The following ASPRV1 variants were observed in gnomAD, a reference collection of about 807,000 sequenced individuals.
The protein encoded by ASPRV1 is retroviral-like aspartic protease 1.
A neutral mutation model predicts 11.0 loss-of-function variants in ASPRV1; 7 were observed. The observed-to-expected ratio is 0.64, with a 90% CI of 0.36 to 1.20. The LOEUF is 1.20. ASPRV1 is among the 50% of genes most tolerant of loss of function. ASPRV1 has a pLI of 0.02. For missense variants in ASPRV1, 299 were observed against 320.0 expected, an observed-to-expected ratio of 0.93 and a Z score of 0.50; for synonymous variants, 136 against 138.4, an observed-to-expected ratio of 0.98 and a Z score of 0.12.
At chr2:70,066,299 C>T in the ASPRV1 span, among the ~76,000 whole-genome samples, 18 of 151,720 alleles carry the variant, frequency 1.2e-4, no homozygotes, top group Admixed American at 3.9e-4. Context: ...AGTACAATGG[C>T]GCAATCTCAG....
At chr2:69,958,476 C>T (rs1255797219), downstream of ASPRV1, among the ~76,000 whole-genome samples, 5 of 152,202 alleles carry the variant, frequency 3.3e-5, no homozygotes, top group Admixed American at 2.6e-4. Flanking sequence ...GGCTCCACTC[C>T]GTGTGGTGTG....
At chr2:70,029,052 C>G in the ASPRV1 span, among the ~76,000 whole-genome samples, 1 of 152,158 alleles carries the variant, frequency 6.6e-6, no homozygotes, top group Non-Finnish European at 1.5e-5. Context: ...TGTTAAAATA[C>G]AAATATCCCT....
At chr2:70,083,696 G>C in the ASPRV1 span, 1 of 152,196 alleles carries the variant, frequency 6.6e-6, no homozygotes, top group African/African-American at 2.4e-5. Flanking sequence ...GTCTGAGGAA[G>C]GGAGTGGAGA....
the ASPRV1 span, among the ~76,000 whole-genome samples, chr2:69,949,840 G>C: frequency 6.6e-6 from 1 of 152,148 alleles, no homozygotes; most frequent in African/African-American, 2.4e-5. Context: ...TCTTGAGACA[G>C]AGTCTCACTC....
At chr2:70,073,613 A>G in the ASPRV1 span, among the ~76,000 whole-genome samples, 1 of 152,198 alleles carries the variant, frequency 6.6e-6, no homozygotes, top group Non-Finnish European at 1.5e-5. Flanking sequence ...AAGGAAAGAA[A>G]AAGGAAAGGT....
At chr2:70,029,010 C>G in the ASPRV1 span, among the ~76,000 whole-genome samples, 1 of 152,144 alleles carries the variant, frequency 6.6e-6, no homozygotes, top group African/African-American at 2.4e-5. Context: ...CTTCCACCAC[C>G]AGAGAGGCCC....
At chr2:69,996,154 G>T in the ASPRV1 span, among the ~76,000 whole-genome samples, 105 of 139,530 alleles carry the variant, frequency 7.5e-4, no homozygotes, top group African/African-American at 2.6e-3. Context: ...GCCAAGGGAG[G>T]ATCGCTTGAG....
the ASPRV1 span, among the ~76,000 whole-genome samples, chr2:70,022,664 T>G: frequency 6.6e-6 from 1 of 151,978 alleles, no homozygotes; most frequent in Non-Finnish European, 1.5e-5. Flanking sequence ...CACTCCAGCC[T>G]GGATGACAGA....
At chr2:70,009,830 C>T in the ASPRV1 span, among the ~76,000 whole-genome samples, 2 of 152,134 alleles carry the variant, frequency 1.3e-5, no homozygotes, top group Non-Finnish European at 2.9e-5. Context: ...GAGACAGTTG[C>T]GTTCAACAGC....
chr2:69,957,049 A>C (rs1677954959), downstream of ASPRV1, among the ~76,000 whole-genome samples: 1 of 152,208 alleles, frequency 6.6e-6, no homozygotes. Context: ...CCTGGACTAG[A>C]AAATAATCTG....
chr2:70,062,322 A>G, the ASPRV1 span, among the ~76,000 whole-genome samples: 1 of 152,064 alleles, frequency 6.6e-6, no homozygotes, highest in Non-Finnish European at 1.5e-5. Context: ...ATACATATAT[A>G]TATGATCTGG....
the ASPRV1 span, among the ~76,000 whole-genome samples, chr2:70,061,118 G>C: frequency 6.6e-6 from 1 of 151,720 alleles, no homozygotes; most frequent in Non-Finnish European, 1.5e-5. Context: ...AGGACAGGCC[G>C]GGCACGGTGG....
At chr2:70,039,712 C>G in the ASPRV1 span, among the ~76,000 whole-genome samples, 5 of 152,208 alleles carry the variant, frequency 3.3e-5, no homozygotes, top group Non-Finnish European at 7.3e-5. Flanking sequence ...TGGCCTTAGT[C>G]AACTCTCAAG....
At chr2:70,077,023 A>C in the ASPRV1 span, among the ~76,000 whole-genome samples, 2 of 152,240 alleles carry the variant, frequency 1.3e-5, no homozygotes, top group East Asian at 3.8e-4. Flanking sequence ...CCACACAGTC[A>C]GTTACCGGCA....
At chr2:69,944,806 C>T in the ASPRV1 span, among the ~76,000 whole-genome samples, 1 of 151,888 alleles carries the variant, frequency 6.6e-6, no homozygotes, top group African/African-American at 2.4e-5. Flanking sequence ...GAAGGACCCC[C>T]CCTCCTCTAC....
chr2:69,992,722 G>A, the ASPRV1 span, among the ~76,000 whole-genome samples: 1 of 152,116 alleles, frequency 6.6e-6, no homozygotes, highest in South Asian at 2.1e-4. Flanking sequence ...TCTTTTCCTA[G>A]AACTTTGATA....
the ASPRV1 span, among the ~76,000 whole-genome samples, chr2:70,027,942 CA>C: frequency 6.6e-6 from 1 of 152,136 alleles, no homozygotes; most frequent in Admixed American, 6.5e-5. Context: ...CATGTACCCC[CA>C]TAAGTATGTT....
the ASPRV1 span, among the ~76,000 whole-genome samples, chr2:70,077,722 G>C: frequency 9.9e-5 from 15 of 151,902 alleles, no homozygotes; most frequent in Admixed American, 6.6e-4. Flanking sequence ...GGGCATGGTG[G>C]CGTCCGCCTG....
At chr2:69,980,900 C>G in the ASPRV1 span, among the ~76,000 whole-genome samples, 1 of 152,110 alleles carries the variant, frequency 6.6e-6, no homozygotes, top group African/African-American at 2.4e-5. Context: ...CTCAGCCTCC[C>G]GAGTAGCTGG....
Sources: gnomAD v4.1 joint callset for allele counts (sites outside exome capture counted in the v4.1 genomes callset) on GRCh38, gnomAD v4.1.1 for gene constraint, MANE v1.5 for transcripts, NCBI Gene and HGNC (gene_info 2026-07-23, HGNC 2026-07-21) for gene names.